The following DOCK11 variants were observed in gnomAD, a reference collection of about 807,000 sequenced individuals.
The protein encoded by DOCK11 is dedicator of cytokinesis 11, also known as dedicator of cytokinesis protein 11.
A neutral mutation model predicts 169.1 loss-of-function variants in DOCK11; 70 were observed. The ratio of observed to expected loss-of-function variants is 0.41; its 90% CI spans 0.34 to 0.51. The LOEUF (loss-of-function observed/expected upper bound fraction) is 0.51, where lower values mean the gene tolerates loss of function less well. Ranked by LOEUF, DOCK11 falls within the 20% of genes least tolerant of loss-of-function variation. DOCK11 has a pLI of 0.10. For synonymous variants in DOCK11, 529 were observed against 541.3 expected, an observed-to-expected ratio of 0.98 and a Z score of 0.32; for missense variants, 1,166 against 1,538.8, an observed-to-expected ratio of 0.76 and a Z score of 4.05.
chrX:118,549,283 T>C (rs1360323428), intron 6 of DOCK11, among the ~76,000 whole-genome samples: 1 of 109,410 alleles, frequency 9.1e-6, no homozygotes. Flanking sequence ...TAGCTGGGAT[T>C]ACAGGTGCAC....
At chrX:118,557,967 T>C (rs1202902804) in intron 6 of DOCK11, among the ~76,000 whole-genome samples, 1 of 104,397 alleles carries the variant, frequency 9.6e-6, no homozygotes, top group Non-Finnish European at 2.0e-5. Flanking sequence ...GTGACTTGCC[T>C]GTGTGAACCT....
chrX:118,623,917 G>T (rs1424490847), intron 31 of DOCK11, among the ~76,000 whole-genome samples: 3 of 112,512 alleles, frequency 2.7e-5, no homozygotes, highest in Non-Finnish European at 1.9e-5. Flanking sequence ...AAATAAATTT[G>T]TATAAGAGGT....
intron 1 of DOCK11, among the ~76,000 whole-genome samples, chrX:118,524,235 A>G (rs777026396): frequency 1.8e-5 from 2 of 111,989 alleles, no homozygotes; most frequent in African/African-American, 3.2e-5. Context: ...GACCTCATTG[A>G]GAATACCTCA....
chrX:118,508,060 CAAA>C (rs34530280), intron 1 of DOCK11, among the ~76,000 whole-genome samples: 58 of 63,013 alleles, frequency 9.2e-4, no homozygotes, highest in Non-Finnish European at 1.6e-3. Context: ...GAGGTGAGGA[CAAA>C]AAAAAAAAAA....
chrX:118,598,032 A>G lies in DOCK11; in HGVS notation c.2388A>G (p.Gln796=), dbSNP rs1375134445. Residue 796 remains glutamine (Q), a splice_region_variant and synonymous_variant, in exon 22 of 53, where the codon CAA becomes CAG. Coordinates refer to ENST00000276202, the MANE Select transcript of DOCK11 (RefSeq NM_144658.4). ...GAATCTCAATTTTCTGTTCACAGCA[A>G]TGTAACGTGGATATTAAATGGGTAG... ...LNLNDAESRR[Q]CNVDIKWVDG... 8.5e-7 allele frequency: 1 copy of G among 1,182,208 alleles called. No homozygotes were observed. The highest frequency in any genetic ancestry group is 3.0e-5 in the East Asian group (1 of 33,451).
intron 35 of DOCK11, 61 bp downstream of exon 35, chrX:118,630,551 A>T: frequency 1.5e-6 from 1 of 688,955 alleles, no homozygotes; most frequent in Non-Finnish European, 2.2e-6. Context: ...AGGTTCACAA[A>T]TTCATGCAAC....
At chrX:118,648,096 TTA>T (rs2015822429) in intron 40 of DOCK11, among the ~76,000 whole-genome samples, 1 of 72,467 alleles carries the variant, frequency 1.4e-5, no homozygotes, top group Non-Finnish European at 2.4e-5. Flanking sequence ...AATTGTAATA[TTA>T]TACAATATAA....
chrX:118,649,637 G>A (rs2015900177), intron 41 of DOCK11, among the ~76,000 whole-genome samples: 1 of 111,591 alleles, frequency 9.0e-6, no homozygotes, highest in Non-Finnish European at 1.9e-5. Flanking sequence ...TCCTGCCTCA[G>A]CCTCCCAAGT....
intron 32 of DOCK11, among the ~76,000 whole-genome samples, chrX:118,625,779 G>C (rs897959340): frequency 1.8e-5 from 2 of 111,072 alleles, no homozygotes; most frequent in African/African-American, 6.6e-5. Flanking sequence ...TATCACAATT[G>C]GTCTGTGCTT....
rs1157804079 is a variant in DOCK11, at chrX:118,544,645, C to CTTTTTTTTTTTTTTTTTTTT, written c.393-665_393-646dup. Among the ~76,000 whole-genome samples the CTTTTTTTTTTTTTTTTTTTT allele has an allele frequency of 7.3e-4, 17 of 23,365 alleles. 6 individuals carry two copies. Among genetic ancestry groups the CTTTTTTTTTTTTTTTTTTTT allele is most frequent in the East Asian group, 2.9e-3 (2 of 688 alleles). 20.3% of individuals were successfully genotyped at this position (23,365 alleles called of 115,157 possible). On this transcript the variant is annotated intron_variant, in intron 4 of 52. Coordinates refer to ENST00000276202, the MANE Select transcript of DOCK11 (RefSeq NM_144658.4). Reference sequence around the variant, plus strand: ...TGCAAGAGCCAGAATTACACTGTTGCTTTTTTTTTTTTTTTTTTTTTTTTT... The same window carrying CTTTTTTTTTTTTTTTTTTTT: ...TGCAAGAGCCAGAATTACACTGTTGCTTTTTTTTTTTTTTTTTTTTTTTTTTTTTTTTTTTTTTTTTTTTT...
At chrX:118,676,176 A>G (rs1179668209) in intron 47 of DOCK11, 127 bp downstream of exon 47, 1 of 443,282 alleles carries the variant, frequency 2.3e-6, no homozygotes, top group Non-Finnish European at 3.9e-6. Context: ...CCTCTTTTGT[A>G]TGTATAAAGT....
chrX:118,618,223 G>A (rs1318484335), intron 30 of DOCK11, among the ~76,000 whole-genome samples: 1 of 111,383 alleles, frequency 9.0e-6, no homozygotes, highest in Non-Finnish European at 1.9e-5. Flanking sequence ...CTGTTAAAAC[G>A]TTGCAAAATA....
At chrX:118,636,821 T>TTG (rs1403491722) in intron 36 of DOCK11, among the ~76,000 whole-genome samples, 1 of 98,952 alleles carries the variant, frequency 1.0e-5, no homozygotes, top group African/African-American at 4.1e-5. Context: ...GTCTGTGTAT[T>TTG]TGTGTGTACA....
At chrX:118,563,556 T>TTATATATTCATATATATGAATTCA (rs1425715346) in intron 7 of DOCK11, among the ~76,000 whole-genome samples, 12 of 109,859 alleles carry the variant, frequency 1.1e-4, no homozygotes, top group East Asian at 5.6e-4. Flanking sequence ...TGATTATATA[T>TTATATATTCATATATATGAATTCA]TATATATTCA....
intron 23 of DOCK11, among the ~76,000 whole-genome samples, chrX:118,601,677 G>A (rs188371488): frequency 2.7e-5 from 3 of 111,790 alleles, no homozygotes; most frequent in South Asian, 3.7e-4. Flanking sequence ...TGTGACCTAC[G>A]CTCTCCCTCT....
intron 1 of DOCK11, among the ~76,000 whole-genome samples, chrX:118,533,037 G>A (rs761004173): frequency 9.0e-6 from 1 of 110,943 alleles, no homozygotes; most frequent in South Asian, 3.8e-4. Flanking sequence ...TGTTGCCCTG[G>A]CTGGAGTGCA....
At chrX:118,640,402 G>A (rs2015499592) in intron 38 of DOCK11, among the ~76,000 whole-genome samples, 2 of 112,353 alleles carry the variant, frequency 1.8e-5, no homozygotes, top group Admixed American at 1.9e-4. Flanking sequence ...AAATCTGCAT[G>A]TTTTAAAGCC....
chrX:118,596,946 C>G (rs1324653710), intron 20 of DOCK11, among the ~76,000 whole-genome samples: 1 of 111,470 alleles, frequency 9.0e-6, no homozygotes. Context: ...GTTCCTTACC[C>G]TAGGGTTGCC....
intron 42 of DOCK11, among the ~76,000 whole-genome samples, chrX:118,653,204 G>A (rs1305920813): frequency 9.0e-6 from 1 of 111,296 alleles, no homozygotes. Context: ...CTCCTTGATA[G>A]GAAATCTTTT....
Sources: allele counts gnomAD v4.1 joint callset (sites outside exome capture counted in the v4.1 genomes callset), GRCh38; gene constraint gnomAD v4.1.1; transcripts MANE v1.5; gene names NCBI Gene and HGNC (gene_info 2026-07-23, HGNC 2026-07-21).